The following CTIF variants were observed in gnomAD, a reference collection of about 807,000 sequenced individuals.
The protein encoded by CTIF is CBP80/20-dependent translation initiation factor.
CTIF carries 21 observed loss-of-function variants against 66.0 expected under a neutral mutation model. The ratio of observed to expected loss-of-function variants is 0.32; its 90% CI spans 0.23 to 0.46. The LOEUF (loss-of-function observed/expected upper bound fraction) is 0.46, where lower values mean the gene tolerates loss of function less well. Ranked by LOEUF, CTIF falls within the 20% of genes least tolerant of loss-of-function variation. CTIF has a pLI of 1.00. For missense variants in CTIF, 739 were observed against 812.7 expected, an observed-to-expected ratio of 0.91 and a Z score of 1.10; for synonymous variants, 345 against 326.4, an observed-to-expected ratio of 1.06 and a Z score of -0.62.
At chr18:48,752,461 C>T (rs1907923658) in intron 7 of CTIF, among the ~76,000 whole-genome samples, 1 of 152,208 alleles carries the variant, frequency 6.6e-6, no homozygotes, top group Non-Finnish European at 1.5e-5. Flanking sequence ...TTGTTAAATC[C>T]AGTCATATGG....
At chr18:48,847,766 G>A (rs760467011) in intron 10 of CTIF, among the ~76,000 whole-genome samples, 1 of 152,242 alleles carries the variant, frequency 6.6e-6, no homozygotes, top group Non-Finnish European at 1.5e-5. Flanking sequence ...AAGCTGAGAT[G>A]CAGAGTGATT....
Position 48,669,790 on chromosome 18 carries a change from CATTTATATATATATATATATATAT to C in CTIF, c.432-876_432-853del, listed in dbSNP as rs1359309189. On this transcript the variant is annotated intron_variant, in intron 5 of 11. Coordinates refer to ENST00000256413, the MANE Select transcript of CTIF (RefSeq NM_014772.3). ...CACATTTATAAACAAACAAGCTAAA[CATTTATATATATATATATATATAT>C]ATATATATATATATATATATATATA... 6.5e-3 allele frequency among the ~76,000 whole-genome samples: 235 copies of C among 35,968 alleles called. 9 individuals carry two copies. The highest frequency in any genetic ancestry group is 0.022 in the East Asian group (17 of 764). The allele number at this position is 35,968 out of a possible 152,430, so 23.6% of individuals were successfully genotyped here.
intron 1 of CTIF, among the ~76,000 whole-genome samples, chr18:48,587,519 G>C (rs1409217534): frequency 2.6e-5 from 4 of 152,234 alleles, no homozygotes; most frequent in African/African-American, 9.6e-5. Context: ...TCTGGTCTGT[G>C]CTGTGGCATG....
chr18:48,561,838 G>A (rs1336858721), intron 1 of CTIF, among the ~76,000 whole-genome samples: 2 of 152,096 alleles, frequency 1.3e-5, no homozygotes, highest in African/African-American at 4.8e-5. Context: ...TTTTCTCATC[G>A]GTAAAATAGG....
rs1205890250 is a variant in CTIF, at chr18:48,618,207, G to C, written c.-28-1331G>C. ...TATTGGCAAATAACTGTGTTCCAAA[G>C]AAGTTCTCAGGGTTAAGGTTCTGAG... On this transcript the variant is annotated intron_variant, in intron 1 of 11. Coordinates refer to ENST00000256413, the MANE Select transcript of CTIF (RefSeq NM_014772.3). Among the ~76,000 whole-genome samples, 5 of 152,338 alleles carry C rather than the reference G, an allele frequency of 3.3e-5. No homozygotes were observed. The East Asian group carries it at 9.6e-4, about 29-fold the overall frequency.
intron 10 of CTIF, among the ~76,000 whole-genome samples, chr18:48,824,622 T>A (rs1000899892): frequency 3.1e-5 from 4 of 130,052 alleles, no homozygotes; most frequent in African/African-American, 2.7e-5. Flanking sequence ...TTTTCTCTCC[T>A]TTTTTTTTTT....
At chr18:48,704,775 T>G (rs2092129635) in intron 6 of CTIF, among the ~76,000 whole-genome samples, 1 of 152,212 alleles carries the variant, frequency 6.6e-6, no homozygotes, top group African/African-American at 2.4e-5. Flanking sequence ...AGTAGCCCTC[T>G]TTCCCAATCA....
chr18:48,653,563 T>G (rs954584208), intron 3 of CTIF, among the ~76,000 whole-genome samples: 2 of 152,140 alleles, frequency 1.3e-5, no homozygotes, highest in African/African-American at 2.4e-5. Flanking sequence ...AGGTAATTTA[T>G]AGATTCAATG....
intron 9 of CTIF, among the ~76,000 whole-genome samples, chr18:48,777,401 T>C (rs1208294579): frequency 1.3e-5 from 2 of 152,128 alleles, no homozygotes; most frequent in Middle Eastern, 3.2e-3. Context: ...TTCAGACCCC[T>C]TGGGGTCCCA....
At chr18:48,635,735 G>T (rs2090809221) in intron 2 of CTIF, among the ~76,000 whole-genome samples, 2 of 152,166 alleles carry the variant, frequency 1.3e-5, no homozygotes, top group Admixed American at 1.3e-4. Flanking sequence ...CATATACCTG[G>T]ATAGCATTTG....
chr18:48,607,076 G>T (rs2090215714), intron 1 of CTIF, among the ~76,000 whole-genome samples: 1 of 150,530 alleles, frequency 6.6e-6, no homozygotes, highest in Non-Finnish European at 1.5e-5. Flanking sequence ...CAATATTGAT[G>T]ATTTGCTTTC....
chr18:48,664,909 C>CTTT (rs368586647), intron 5 of CTIF, among the ~76,000 whole-genome samples: 18,046 of 61,802 alleles, frequency 0.29, 1,374 homozygotes, highest in African/African-American at 0.31. Context: ...GTGTTTCTTT[C>CTTT]TTTTTTTTTT....
rs1302655130 is a variant in CTIF, at chr18:48,761,847, G to C, written c.1371+158G>C. The stretch of plus-strand genomic sequence containing the variant: ...ATAGAAAACACAAAGGCAGTTAAGG[G>C]GCCAGGAATGAGCGGCTGGATTTGT... On this transcript the variant is annotated intron_variant, in intron 9 of 11. Transcript: ENST00000256413. This position sits in a 1 kb window ranked among gnomAD's most constrained non-coding sequence, Gnocchi z 4.2. Among the ~76,000 whole-genome samples the C allele has an allele frequency of 6.6e-6, 1 of 152,218 alleles. No homozygotes were observed. The highest frequency in any genetic ancestry group is 1.9e-4 in the East Asian group (1 of 5,198).
chr18:48,804,761 G>A (rs1007378821), intron 9 of CTIF, among the ~76,000 whole-genome samples: 2 of 152,110 alleles, frequency 1.3e-5, no homozygotes, highest in Admixed American at 6.5e-5. Context: ...CCCAGGACCC[G>A]GGCAATAACC....
intron 7 of CTIF, among the ~76,000 whole-genome samples, chr18:48,721,286 C>T (rs1211430291): frequency 6.6e-6 from 1 of 152,202 alleles, no homozygotes; most frequent in African/African-American, 2.4e-5. Flanking sequence ...GAAACTGGCC[C>T]TGGAGAGATA....
At chr18:48,668,295 C>A (rs960457364) in intron 5 of CTIF, among the ~76,000 whole-genome samples, 6 of 152,214 alleles carry the variant, frequency 3.9e-5, no homozygotes, top group Admixed American at 3.9e-4. Context: ...ACAGGAGACA[C>A]TGGGGAGGTG....
intron 9 of CTIF, among the ~76,000 whole-genome samples, chr18:48,768,160 A>G (rs1003198558): frequency 1.3e-5 from 2 of 152,190 alleles, no homozygotes; most frequent in Non-Finnish European, 2.9e-5. Flanking sequence ...GTCTCTGGAA[A>G]ATCAAGTCAT....
chr18:48,786,029 G>A (rs1911676453), intron 9 of CTIF, among the ~76,000 whole-genome samples: 2 of 152,126 alleles, frequency 1.3e-5, no homozygotes, highest in South Asian at 4.1e-4. Context: ...ACTCATCCGA[G>A]ATCCTTGAGG....
At chr18:48,820,186 A>G (rs2068453290) in intron 10 of CTIF, among the ~76,000 whole-genome samples, 1 of 152,172 alleles carries the variant, frequency 6.6e-6, no homozygotes, top group Admixed American at 6.5e-5. Flanking sequence ...GGCTTCCCTA[A>G]AACTGGGCCA....
Sources: gnomAD v4.1 joint callset for allele counts (sites outside exome capture counted in the v4.1 genomes callset) on GRCh38, gnomAD v4.1.1 for gene constraint, Gnocchi (gnomAD v3.1) non-coding constraint, MANE v1.5 for transcripts, NCBI Gene and HGNC (gene_info 2026-07-23, HGNC 2026-07-21) for gene names.